MTFR1: variants seen among roughly 807,000 people sequenced by gnomAD.
MTFR1 encodes the protein mitochondrial fission regulator 1.
MTFR1 carries 28 observed loss-of-function variants against 38.8 expected under a neutral mutation model. The ratio of observed to expected loss-of-function variants is 0.72; its 90% confidence interval spans 0.53 to 0.99. The LOEUF (loss-of-function observed/expected upper bound fraction) is 0.99. MTFR1 is among the 50% of genes least tolerant of loss of function. The pLI is 0.00. For missense variants in MTFR1, 358 were observed against 395.5 expected, an observed-to-expected ratio of 0.91 and a Z score of 0.81; for synonymous variants, 145 against 137.0, an observed-to-expected ratio of 1.06 and a Z score of -0.41.
At chr8:65,674,902 A>G (rs1445316556) in intron 2 of MTFR1, among the ~76,000 whole-genome samples, 1 of 152,182 alleles carries the variant, frequency 6.6e-6, no homozygotes, top group South Asian at 2.1e-4. Context: ...TAGTAGAACT[A>G]TAATGTGAAC....
intron 3 of MTFR1, among the ~76,000 whole-genome samples, chr8:65,726,440 TTTC>T (rs1259106970): frequency 2.0e-5 from 3 of 152,200 alleles, no homozygotes; most frequent in Non-Finnish European, 1.5e-5. Flanking sequence ...CTCTCTTTAC[TTTC>T]TTGTCAGTTT....
chr8:65,717,080 C>T (rs1057180124), intron 2 of MTFR1, among the ~76,000 whole-genome samples: 3 of 152,092 alleles, frequency 2.0e-5, no homozygotes, highest in African/African-American at 4.8e-5. Flanking sequence ...TAAAGTGATA[C>T]AATATTTTGG....
chr8:65,679,796 G>A (rs191963052), intron 2 of MTFR1: 21 of 152,186 alleles, frequency 1.4e-4, no homozygotes, highest in African/African-American at 2.4e-4. Flanking sequence ...TAGTCCTCAC[G>A]TTATTAAGAC....
At chr8:65,768,458 A>C (rs1008211818) in intron 3 of MTFR1, among the ~76,000 whole-genome samples, 1 of 151,706 alleles carries the variant, frequency 6.6e-6, no homozygotes, top group African/African-American at 2.4e-5. Context: ...TCCCTGCACA[A>C]CCTCTCTTGC....
rs184255455 is a variant in MTFR1 at position 65,687,981 on chromosome 8, T to A, written c.165+5530T>A. ...TGGGTGTGATGGCACGTGCCTGTAA[T>A]CCCAGCTACTCGGGAGACTGAGGCA... On this transcript the variant is annotated intron_variant, in intron 3 of 7. Transcript: ENST00000262146. 2.7e-3 allele frequency among the ~76,000 whole-genome samples: 410 copies of A among 151,022 alleles called. 2 individuals are homozygous for A. The highest frequency in any genetic ancestry group is 9.7e-3 in the African/African-American group (398 of 41,092).
At chr8:65,664,351 T>C (rs1451921176) in intron 1 of MTFR1, among the ~76,000 whole-genome samples, 2 of 152,186 alleles carry the variant, frequency 1.3e-5, no homozygotes, top group African/African-American at 4.8e-5. Flanking sequence ...CTGTAATTTG[T>C]AAACAACATG....
At chr8:65,708,307 T>C in intron 7 of MTFR1, 1 of 457,490 alleles carries the variant, frequency 2.2e-6, no homozygotes, top group South Asian at 2.1e-5. Flanking sequence ...AGCTCACTAC[T>C]AAGTAATCTC....
chr8:65,721,192 T>C lies in MTFR1; in HGVS notation c.*48+1711T>C, dbSNP rs147798970. ...CATTTGTGACTCCATTTAATTGTAC[T>C]AGCCCCACAAGCCTCTACTTTATCT... On this transcript the variant is annotated intron_variant, in intron 3 of 3. Coordinates refer to the MTFR1 transcript ENST00000521247. Among the ~76,000 whole-genome samples, 406 of 152,354 alleles carry C rather than the reference T, an allele frequency of 2.7e-3. 5 individuals are homozygous for C. The South Asian group carries it at 0.035, about 13-fold the overall frequency.
At chr8:65,738,485 C>T (rs976930112) in intron 3 of MTFR1, among the ~76,000 whole-genome samples, 2 of 152,180 alleles carry the variant, frequency 1.3e-5, no homozygotes, top group African/African-American at 4.8e-5. Context: ...TCAGGTAGAA[C>T]CAACTAGGAG....
rs186429417 is a variant in MTFR1 at position 65,697,835 on chromosome 8, G to A, written c.281+4076G>A. Reference sequence around the variant, plus strand: ...ATATGTGTATTCTTTCAGGTAAAACGTATCGTGTCTTTTGCTTATTTTCTA... The same window carrying A: ...ATATGTGTATTCTTTCAGGTAAAACATATCGTGTCTTTTGCTTATTTTCTA... On this transcript the variant is annotated intron_variant, in intron 4 of 7. Transcript: ENST00000262146. 3.4e-4 allele frequency among the ~76,000 whole-genome samples: 51 copies of A among 152,150 alleles called. 1 individual carries two copies. The East Asian group carries it at 6.6e-3, about 20-fold the overall frequency.
intron 1 of MTFR1, among the ~76,000 whole-genome samples, chr8:65,657,827 A>G (rs938660195): frequency 2.5e-4 from 38 of 152,236 alleles, no homozygotes; most frequent in African/African-American, 8.0e-4. Flanking sequence ...TTATGGATAC[A>G]TTATGATGTT....
intron 2 of MTFR1, among the ~76,000 whole-genome samples, chr8:65,677,886 C>T (rs1018803222): frequency 5.3e-5 from 8 of 151,320 alleles, no homozygotes; most frequent in African/African-American, 1.2e-4. Context: ...TGTGGTGGCA[C>T]GTGCCTGTAG....
intron 4 of MTFR1, among the ~76,000 whole-genome samples, chr8:65,703,091 A>G (rs1244465088): frequency 7.2e-6 from 1 of 138,708 alleles, no homozygotes; most frequent in African/African-American, 2.6e-5. Flanking sequence ...AAGGTAATGG[A>G]AAAAAAAAAA....
chr8:65,713,516 T>C (rs1298592687), downstream of MTFR1, among the ~76,000 whole-genome samples: 1 of 151,770 alleles, frequency 6.6e-6, no homozygotes, highest in East Asian at 1.9e-4. Context: ...TGTTTCTCTC[T>C]TTCCCCCACC....
chr8:65,747,163 C>T (rs749347913), intron 3 of MTFR1, among the ~76,000 whole-genome samples: 11 of 152,080 alleles, frequency 7.2e-5, no homozygotes, highest in East Asian at 1.9e-4. Context: ...CTGAAAGTCA[C>T]GAGACCTTTG....
chr8:65,771,965 T>G (rs1293300484), downstream of MTFR1, among the ~76,000 whole-genome samples: 1 of 145,024 alleles, frequency 6.9e-6, no homozygotes, highest in East Asian at 2.1e-4. Flanking sequence ...GTTAGGAGAA[T>G]ACCAGAACAA....
chr8:65,670,445 TAAG>T (rs1244278844), intron 2 of MTFR1, among the ~76,000 whole-genome samples: 4 of 152,192 alleles, frequency 2.6e-5, no homozygotes, highest in Admixed American at 1.3e-4. Flanking sequence ...CAACTATTGA[TAAG>T]AAGAAAAAAA....
chr8:65,647,489 T>C (rs1284783868), intron 1 of MTFR1, among the ~76,000 whole-genome samples: 1 of 152,212 alleles, frequency 6.6e-6, no homozygotes, highest in Non-Finnish European at 1.5e-5. Flanking sequence ...TTTGTATTTT[T>C]AGTAGAGACA....
intron 3 of MTFR1, among the ~76,000 whole-genome samples, chr8:65,767,730 C>T (rs76311198): frequency 1.3e-5 from 2 of 152,106 alleles, no homozygotes; most frequent in Non-Finnish European, 2.9e-5. Flanking sequence ...GGGTGGCGTC[C>T]CAGGGAAGGC....
Sources: allele counts gnomAD v4.1 joint callset (sites outside exome capture counted in the v4.1 genomes callset), GRCh38; gene constraint gnomAD v4.1.1; transcripts MANE v1.5; gene names NCBI Gene and HGNC (gene_info 2026-07-23, HGNC 2026-07-21).